The following SLC14A2 variants were observed in gnomAD, a reference collection of about 807,000 sequenced individuals.
The protein encoded by SLC14A2 is solute carrier family 14 member 2, also known as urea transporter 2.
SLC14A2 carries 91 observed loss-of-function variants against 104.6 expected under a neutral mutation model. That is an observed-to-expected ratio of 0.87 (90% CI 0.73 to 1.04). The LOEUF (loss-of-function observed/expected upper bound fraction) is 1.04, where lower values mean the gene tolerates loss of function less well. Ranked by LOEUF, SLC14A2 falls within the 50% of genes least tolerant of loss-of-function variation. The probability of loss-of-function intolerance (pLI) is 0.00; values close to 1 mark genes in which losing one functional copy is unlikely to be tolerated. For missense variants in SLC14A2, 1,189 were observed against 1,156.0 expected (o/e 1.03, Z -0.41); for synonymous variants, 476 against 466.4 (o/e 1.02, Z -0.27).
At chr18:45,241,320 G>A (rs946068105) in intron 1 of SLC14A2, among the ~76,000 whole-genome samples, 5 of 152,226 alleles carry the variant, frequency 3.3e-5, no homozygotes, top group Non-Finnish European at 5.9e-5. Context: ...TGTCTCTGCT[G>A]AGGACAGGAA....
chr18:45,486,231 C>A (rs1041787877), intron 2 of SLC14A2, among the ~76,000 whole-genome samples: 1 of 152,192 alleles, frequency 6.6e-6, no homozygotes, highest in Non-Finnish European at 1.5e-5. Flanking sequence ...AGGAGCCAGA[C>A]AAGGGTCTCC....
At chr18:45,651,515 T>G (rs2045736671) in intron 10 of SLC14A2, among the ~76,000 whole-genome samples, 1 of 152,306 alleles carries the variant, frequency 6.6e-6, no homozygotes, top group East Asian at 1.9e-4. Flanking sequence ...GGACTTTGAA[T>G]CAGTGGAGAA....
chr18:45,637,646 T>C (rs2045443420), intron 6 of SLC14A2, among the ~76,000 whole-genome samples: 1 of 152,212 alleles, frequency 6.6e-6, no homozygotes, highest in South Asian at 2.1e-4. Flanking sequence ...TCTCTCTTAG[T>C]GGTTCTCAGG....
chr18:45,628,240 T>C (rs953940517), intron 4 of SLC14A2, among the ~76,000 whole-genome samples: 26 of 151,764 alleles, frequency 1.7e-4, no homozygotes, highest in Non-Finnish European at 3.4e-4. Context: ...AGTCAAGAGA[T>C]TGAGACCATT....
chr18:45,426,073 A>G (rs1351257008), intron 1 of SLC14A2, among the ~76,000 whole-genome samples: 1 of 152,128 alleles, frequency 6.6e-6, no homozygotes, highest in African/African-American at 2.4e-5. Context: ...TGTTCTGAAA[A>G]GTGAGCCAAC....
chr18:45,663,876 C>T lies in SLC14A2; in HGVS notation c.1443C>T (p.Ile481=). ...VLSKHRSVFH[I]EWSSIRRRSK... ...CCAAGCACAGGAGTGTATTTCACAT[C>T]GAGTGGTCATCCATTCGGAGGAGGA... The change falls in exon 11 of 20, where the codon ATC becomes ATT. Residue 481 remains isoleucine, a synonymous_variant. Coordinates refer to ENST00000255226, the MANE Select transcript of SLC14A2 (RefSeq NM_007163.4). The T allele has an allele frequency of 1.9e-6, 3 of 1,613,466 alleles. No homozygotes were observed. Among genetic ancestry groups the T allele is most frequent in the East Asian group, 2.2e-5 (1 of 44,856 alleles).
chr18:45,579,172 T>C lies in SLC14A2; in HGVS notation c.-34-45459T>C, dbSNP rs1439002711. Among the ~76,000 whole-genome samples, 6 of 152,168 alleles carry C rather than the reference T, an allele frequency of 3.9e-5. No homozygotes were observed. In the East Asian group the frequency reaches 1.2e-3, roughly 29 times the overall value. ...GCCATATTCTACTGGTCACAGCAAA[T>C]CACAAGGTCAGCCCAGATCCAAGGG... On this transcript the variant is annotated intron_variant, in intron 2 of 20. Transcript: ENST00000586448.
intron 1 of SLC14A2, among the ~76,000 whole-genome samples, chr18:45,275,252 C>T (rs1341414424): frequency 2.0e-5 from 3 of 152,140 alleles, no homozygotes; most frequent in Non-Finnish European, 4.4e-5. Context: ...TCAAAATTTT[C>T]TTACAGGGTT....
rs900588698 is a variant in SLC14A2 at position 45,454,039 on chromosome 18, T to C, written c.-124-29194T>C. Among the ~76,000 whole-genome samples the C allele has an allele frequency of 2.0e-5, 3 of 151,950 alleles. No individual in the cohort carries two copies. In the East Asian group the frequency reaches 5.8e-4, roughly 29 times the overall value. The stretch of plus-strand genomic sequence containing the variant: ...CAGGCCCAGCTAATTTTTGTATTTT[T>C]AGTAGAGACAGGGTTTCACCATGTT... On this transcript the variant is annotated intron_variant, in intron 1 of 20. Transcript: ENST00000586448.
intron 2 of SLC14A2, among the ~76,000 whole-genome samples, chr18:45,557,542 C>T (rs1027538104): frequency 1.3e-5 from 2 of 152,210 alleles, no homozygotes; most frequent in South Asian, 2.1e-4. Context: ...CTCACATTCT[C>T]CTCTCACCTC....
chr18:45,630,964 A>G (rs924485447), intron 4 of SLC14A2, among the ~76,000 whole-genome samples: 2 of 151,958 alleles, frequency 1.3e-5, no homozygotes, highest in Non-Finnish European at 2.9e-5. Flanking sequence ...CTCTCCTCTT[A>G]TCTAGGTCAC....
At chr18:45,293,174 G>C (rs1408641258) in intron 1 of SLC14A2, among the ~76,000 whole-genome samples, 1 of 152,116 alleles carries the variant, frequency 6.6e-6, no homozygotes, top group African/African-American at 2.4e-5. Flanking sequence ...AATGTCCCAT[G>C]GAGAACCTTT....
At chr18:45,272,660 A>C (rs1483046592) in intron 1 of SLC14A2, among the ~76,000 whole-genome samples, 2 of 152,152 alleles carry the variant, frequency 1.3e-5, no homozygotes, top group Non-Finnish European at 2.9e-5. Flanking sequence ...GGTACAAAAA[A>C]TAGAATGAAT....
At chr18:45,595,558 C>T (rs902757788) in intron 2 of SLC14A2, among the ~76,000 whole-genome samples, 15 of 152,268 alleles carry the variant, frequency 9.9e-5, no homozygotes, top group Middle Eastern at 3.4e-3. Context: ...TACTTGAAGT[C>T]ACATGGTTGG....
chr18:45,255,319 TAG>T (rs145980877), intron 1 of SLC14A2, among the ~76,000 whole-genome samples: 11 of 151,388 alleles, frequency 7.3e-5, no homozygotes, highest in South Asian at 2.1e-4. Flanking sequence ...TCCTTTTAAA[TAG>T]AGAGAGAGAG....
chr18:45,209,955 G>A (rs1480590607), upstream of SLC14A2, among the ~76,000 whole-genome samples: 5 of 152,198 alleles, frequency 3.3e-5, no homozygotes, highest in East Asian at 1.9e-4. Flanking sequence ...TGCATACCAT[G>A]TGATTATGTC....
At chr18:45,579,769 G>A (rs1047648316) in intron 2 of SLC14A2, among the ~76,000 whole-genome samples, 1 of 152,202 alleles carries the variant, frequency 6.6e-6, no homozygotes, top group Non-Finnish European at 1.5e-5. Flanking sequence ...GCAAAGTATT[G>A]GAAGTATGAA....
rs770930041 is a variant in SLC14A2, at chr18:45,248,553, G to T, written c.-125+35362G>T. ...AGTTGGTTGAGCTTGTTCAAACAAA[G>T]TCTCAATTTCCCGACAAGCAGTTGG... is the stretch of plus-strand genomic sequence containing the variant. On this transcript the variant is annotated intron_variant, in intron 1 of 20. Transcript: ENST00000586448. Among the ~76,000 whole-genome samples the T allele has an allele frequency of 3.7e-4, 57 of 152,088 alleles. 2 individuals are homozygous for T. The highest frequency in any genetic ancestry group is 1.3e-4 in the Non-Finnish European group (9 of 68,026).
intron 11 of SLC14A2, 32 bp from the exon 12 acceptor site, chr18:45,666,105 T>C (rs1268006621): frequency 1.3e-6 from 2 of 1,518,242 alleles, no homozygotes; most frequent in Admixed American, 1.7e-5. Context: ...AGAGGTGTCC[T>C]AACTGATGGT....
Sources: allele counts gnomAD v4.1 joint callset (sites outside exome capture counted in the v4.1 genomes callset), GRCh38; gene constraint gnomAD v4.1.1; transcripts MANE v1.5; gene names NCBI Gene and HGNC (gene_info 2026-07-23, HGNC 2026-07-21).